The following ATP6V1E2 variants were observed in gnomAD, a reference collection of about 807,000 sequenced individuals.
The protein encoded by ATP6V1E2 is ATPase H+ transporting V1 subunit E2.
For missense variants in ATP6V1E2, 308 were observed against 273.3 expected (o/e 1.13, Z -0.90); for synonymous variants, 121 against 104.2 (o/e 1.16, Z -0.98).
chr2:46,537,207 C>T (rs1168520364), intron 2 of ATP6V1E2, among the ~76,000 whole-genome samples: 1 of 152,212 alleles, frequency 6.6e-6, no homozygotes, highest in Non-Finnish European at 1.5e-5. Context: ...ACTTGTCACC[C>T]ACTGTGCAGA....
chr2:46,521,272 T>C (rs992009457), intron 4 of ATP6V1E2, among the ~76,000 whole-genome samples: 1 of 152,084 alleles, frequency 6.6e-6, no homozygotes. Context: ...CTTGCCCACA[T>C]GAGCTTGTGA....
chr2:46,516,119 T>C (rs1487779390), intron 4 of ATP6V1E2, among the ~76,000 whole-genome samples: 2 of 152,078 alleles, frequency 1.3e-5, no homozygotes, highest in Non-Finnish European at 2.9e-5. Context: ...GGAGAGAATA[T>C]CCAGACAGAA....
intron 4 of ATP6V1E2, among the ~76,000 whole-genome samples, chr2:46,513,164 G>T (rs1687554594): frequency 6.6e-6 from 1 of 152,004 alleles, no homozygotes; most frequent in South Asian, 2.1e-4. Flanking sequence ...GGGTCAGGAG[G>T]GTTGGGGAAA....
At chr2:46,531,860 T>G (rs896154299) in intron 4 of ATP6V1E2, among the ~76,000 whole-genome samples, 1 of 152,228 alleles carries the variant, frequency 6.6e-6, no homozygotes, top group African/African-American at 2.4e-5. Context: ...TCAAGTCTTT[T>G]GCCCCTTTAA....
Position 46,536,931 on chromosome 2 carries a change from C to T in ATP6V1E2, c.-309-228G>A, listed in dbSNP as rs191522186. On this transcript the variant is annotated intron_variant, in intron 2 of 4. Coordinates refer to ENST00000522587, the MANE Select transcript of ATP6V1E2 (RefSeq NM_001318063.2). ...CCGAGTAGCTGGGATTACAGGCACC[C>T]GCCACCACGCCTGGCTAATTTTTGT... Among the ~76,000 whole-genome samples, 611 of 152,110 alleles carry T rather than the reference C, an allele frequency of 4.0e-3. 8 individuals carry two copies. The highest frequency in any genetic ancestry group is 0.018 in the East Asian group (92 of 5,170).
intron 4 of ATP6V1E2, among the ~76,000 whole-genome samples, chr2:46,532,478 C>T (rs1667232100): frequency 6.6e-6 from 1 of 151,748 alleles, no homozygotes; most frequent in Non-Finnish European, 1.5e-5. Flanking sequence ...CTTAGTCTAC[C>T]TTTGTTATAG....
chr2:46,533,203 GTAGATAGATAGATAGATAGA>G (rs72186652), intron 4 of ATP6V1E2, among the ~76,000 whole-genome samples: 64 of 148,284 alleles, frequency 4.3e-4, no homozygotes, highest in South Asian at 1.1e-3. Context: ...GCATGTATGT[GTAGATAGATAGATAGATAGA>G]TAGATAGATA....
At chr2:46,517,647 C>G (rs1017290569) in intron 4 of ATP6V1E2, among the ~76,000 whole-genome samples, 4 of 152,128 alleles carry the variant, frequency 2.6e-5, no homozygotes, top group Non-Finnish European at 5.9e-5. Flanking sequence ...AAAGCAACAA[C>G]AACAACAAAC....
At chr2:46,521,778 C>G (rs2103863597) in intron 4 of ATP6V1E2, among the ~76,000 whole-genome samples, 1 of 152,090 alleles carries the variant, frequency 6.6e-6, no homozygotes, top group East Asian at 1.9e-4. Context: ...GCAACCTCTG[C>G]CTCCTGGGTT....
At chr2:46,526,588 T>C (rs1000572358) in intron 4 of ATP6V1E2, among the ~76,000 whole-genome samples, 1 of 152,246 alleles carries the variant, frequency 6.6e-6, no homozygotes, top group African/African-American at 2.4e-5. Flanking sequence ...ACTTCCTGTC[T>C]CTGTGAATTT....
intron 4 of ATP6V1E2, among the ~76,000 whole-genome samples, chr2:46,525,001 C>A (rs564639812): frequency 6.6e-6 from 1 of 152,138 alleles, no homozygotes; most frequent in Admixed American, 6.5e-5. Flanking sequence ...GGGCAGGAGT[C>A]TTGGACTATA....
intron 2 of ATP6V1E2, among the ~76,000 whole-genome samples, chr2:46,539,267 T>C (rs560813324): frequency 7.2e-5 from 11 of 152,342 alleles, no homozygotes; most frequent in Non-Finnish European, 1.3e-4. Context: ...ATACAGCAGA[T>C]GCTCTAGAAA....
chr2:46,524,827 T>C (rs920584728), intron 4 of ATP6V1E2, among the ~76,000 whole-genome samples: 15 of 152,258 alleles, frequency 9.9e-5, no homozygotes, highest in Middle Eastern at 3.4e-3. Context: ...GTCAAGAGAC[T>C]TGCAGAGGAC....
intron 4 of ATP6V1E2, chr2:46,519,560 A>C (rs1476090881): frequency 6.6e-6 from 1 of 152,332 alleles, no homozygotes; most frequent in Non-Finnish European, 1.5e-5. Context: ...AGTCAGACTG[A>C]CGGAATTCAG....
rs538126310 is a variant in ATP6V1E2, at chr2:46,516,722, T to C, written c.-101-3910A>G. On this transcript the variant is annotated intron_variant, in intron 4 of 4. Coordinates refer to ENST00000522587, the MANE Select transcript of ATP6V1E2 (RefSeq NM_001318063.2). ...AAAGCAATTCTAAGAGGAAAATTTA[T>C]AGTAGTAAACTCTATATTAAAAAAA... 2.1e-4 allele frequency among the ~76,000 whole-genome samples: 29 copies of C among 141,212 alleles called. 1 individual carries two copies. In the South Asian group the frequency reaches 7.1e-3, roughly 35 times the overall value. The allele number at this position is 141,212 out of a possible 152,430, so 92.6% of individuals were successfully genotyped here.
intron 4 of ATP6V1E2, chr2:46,519,403 A>G (rs548773527): frequency 6.6e-6 from 1 of 152,220 alleles, no homozygotes; most frequent in Non-Finnish European, 1.5e-5. Flanking sequence ...AAACCAGCAC[A>G]AGCAAAATTC....
At chr2:46,533,420 G>T (rs963486958) in intron 4 of ATP6V1E2, among the ~76,000 whole-genome samples, 16 of 151,936 alleles carry the variant, frequency 1.1e-4, no homozygotes, top group African/African-American at 3.6e-4. Flanking sequence ...CTATAGGAGT[G>T]TGCCACCACA....
intron 4 of ATP6V1E2, among the ~76,000 whole-genome samples, chr2:46,513,752 G>C (rs1687584778): frequency 6.6e-6 from 1 of 152,054 alleles, no homozygotes; most frequent in African/African-American, 2.4e-5. Flanking sequence ...TTGAACCCAG[G>C]AGGCAGAGGT....
At chr2:46,522,720 T>C (rs1666702949) in intron 4 of ATP6V1E2, among the ~76,000 whole-genome samples, 1 of 152,224 alleles carries the variant, frequency 6.6e-6, no homozygotes, top group African/African-American at 2.4e-5. Context: ...TGTGTCTTTA[T>C]AGTAGAATGA....
Sources: gnomAD v4.1 joint callset for allele counts (sites outside exome capture counted in the v4.1 genomes callset) on GRCh38, gnomAD v4.1.1 for gene constraint, MANE v1.5 for transcripts, NCBI Gene and HGNC (gene_info 2026-07-23, HGNC 2026-07-21) for gene names.